Variants in GLIS1 observed in about 807,000 individuals in gnomAD.
GLIS1 encodes GLIS family zinc finger 1, also known as zinc finger protein GLIS1.
In GLIS1, 24 loss-of-function variants were observed where a neutral mutation model predicts 63.8. That is an observed-to-expected ratio of 0.38 (90% CI 0.27 to 0.53). The LOEUF (loss-of-function observed/expected upper bound fraction) is 0.53, where lower values mean the gene tolerates loss of function less well. Ranked by LOEUF, GLIS1 falls within the 20% of genes least tolerant of loss-of-function variation. The pLI, the probability that GLIS1 is intolerant of heterozygous loss-of-function variation, is 0.85. For missense variants in GLIS1, 1,036 were observed against 1,074.1 expected, an observed-to-expected ratio of 0.96 and a Z score of 0.50; for synonymous variants, 450 against 482.5, an observed-to-expected ratio of 0.93 and a Z score of 0.88.
chr1:53,540,505 C>T (rs965506612), intron 4 of GLIS1, among the ~76,000 whole-genome samples: 13 of 152,136 alleles, frequency 8.5e-5, no homozygotes, highest in Non-Finnish European at 7.4e-5. Context: ...GGGGTGTCCT[C>T]CTGCGGTGGA....
chr1:53,738,458 A>C (rs913824341), intron 1 of GLIS1, among the ~76,000 whole-genome samples: 4 of 152,224 alleles, frequency 2.6e-5, no homozygotes, highest in African/African-American at 9.6e-5. Flanking sequence ...CGCGTCCCCC[A>C]GTGGAACACG....
chr1:53,529,663 C>T (rs1644508386), intron 5 of GLIS1, 128 bp downstream of exon 5: 6 of 944,732 alleles, frequency 6.4e-6, no homozygotes, highest in Non-Finnish European at 9.6e-6. Context: ...CGACCCACTG[C>T]CCTGCCAAGC....
At chr1:53,525,454 GGGCTGGGGA>G (rs1220510843) in intron 5 of GLIS1, among the ~76,000 whole-genome samples, 42 of 98,086 alleles carry the variant, frequency 4.3e-4, no homozygotes, top group Non-Finnish European at 4.9e-4. Context: ...TGAGAACACA[GGGCTGGGGA>G]GGCTGGGGAG....
intron 4 of GLIS1, among the ~76,000 whole-genome samples, chr1:53,540,575 T>C (rs1194473786): frequency 1.3e-5 from 2 of 152,128 alleles, no homozygotes; most frequent in African/African-American, 4.8e-5. Context: ...TTAGTCCCCT[T>C]TTGGGATCCT....
At chr1:53,540,500 GTCC>G (rs1381644281) in intron 4 of GLIS1, among the ~76,000 whole-genome samples, 1 of 152,130 alleles carries the variant, frequency 6.6e-6, no homozygotes, top group African/African-American at 2.4e-5. Flanking sequence ...CAAATGGGGT[GTCC>G]TCCTGCGGTG....
intron 4 of GLIS1, among the ~76,000 whole-genome samples, chr1:53,556,619 C>CAGGTGTGTGTGTGTGTGCAGGTGTACTGT (rs1557448981): frequency 5.2e-4 from 62 of 120,302 alleles, no homozygotes; most frequent in African/African-American, 1.9e-3. Context: ...AGGTGTACTG[C>CAGGTGTGTGTGTGTGTGCAGGTGTACTGT]AGGTATGTGT....
chr1:53,569,019 C>T (rs1644959860), intron 4 of GLIS1, among the ~76,000 whole-genome samples: 1 of 152,156 alleles, frequency 6.6e-6, no homozygotes, highest in Non-Finnish European at 1.5e-5. Context: ...CTGGAAGAAA[C>T]TTAAATGCAT....
At chr1:53,565,391 G>C (rs184702378) in intron 4 of GLIS1, among the ~76,000 whole-genome samples, 41 of 152,038 alleles carry the variant, frequency 2.7e-4, no homozygotes, top group Admixed American at 2.5e-3. Context: ...GATAAAAGCA[G>C]AAATTAATGT....
At chr1:53,660,892 G>A (rs998262620) in intron 2 of GLIS1, among the ~76,000 whole-genome samples, 1 of 152,184 alleles carries the variant, frequency 6.6e-6, no homozygotes, top group Non-Finnish European at 1.5e-5. Flanking sequence ...TCCCAGCTGG[G>A]CAGGGTGGAC....
chr1:53,605,086 A>G (rs923522228), intron 2 of GLIS1, among the ~76,000 whole-genome samples: 5 of 152,112 alleles, frequency 3.3e-5, no homozygotes, highest in African/African-American at 1.2e-4. Flanking sequence ...ACAGGATTCA[A>G]CATCTGAAAT....
chr1:53,551,394 G>A (rs868752897), intron 4 of GLIS1, among the ~76,000 whole-genome samples: 37 of 152,194 alleles, frequency 2.4e-4, no homozygotes, highest in African/African-American at 8.0e-4. Flanking sequence ...ACCCATGCCC[G>A]GGATGGAGGC....
At chr1:53,543,230 C>T (rs1362957865) in intron 4 of GLIS1, among the ~76,000 whole-genome samples, 2 of 152,212 alleles carry the variant, frequency 1.3e-5, no homozygotes, top group African/African-American at 4.8e-5. Flanking sequence ...ACTAGCAGTC[C>T]TCCCTCACGG....
chr1:53,650,295 A>C (rs1167914429), intron 2 of GLIS1, among the ~76,000 whole-genome samples: 1 of 152,206 alleles, frequency 6.6e-6, no homozygotes, highest in Non-Finnish European at 1.5e-5. Flanking sequence ...AATCCATAAA[A>C]AAGACCACAC....
At chr1:53,640,478 G>T in intron 2 of GLIS1, among the ~76,000 whole-genome samples, 1 of 152,122 alleles carries the variant, frequency 6.6e-6, no homozygotes, top group East Asian at 1.9e-4. Flanking sequence ...GACAGCTGGG[G>T]GCTGGACAGT....
At chr1:53,546,673 T>C (rs1328069286) in intron 4 of GLIS1, among the ~76,000 whole-genome samples, 1 of 152,234 alleles carries the variant, frequency 6.6e-6, no homozygotes, top group Admixed American at 6.5e-5. Flanking sequence ...GCACACTCCA[T>C]GCAACCGACA....
intron 2 of GLIS1, among the ~76,000 whole-genome samples, chr1:53,650,709 A>C (rs377004412): frequency 1.3e-5 from 2 of 152,276 alleles, no homozygotes; most frequent in South Asian, 2.1e-4. Flanking sequence ...TTATTTCAGC[A>C]TGGGGAACAA....
At chr1:53,706,792 A>C (rs1283918086) in intron 2 of GLIS1, among the ~76,000 whole-genome samples, 1 of 152,202 alleles carries the variant, frequency 6.6e-6, no homozygotes, top group Admixed American at 6.5e-5. Context: ...AAATCAAAAC[A>C]CATGTGGCCT....
At position 53,523,948 on chromosome 1, in the gene GLIS1, C is replaced by T. The variant is rs570700493; in HGVS notation, c.1593+829G>A. Among the ~76,000 whole-genome samples the T allele has an allele frequency of 6.6e-5, 10 of 152,336 alleles. No individual in the cohort carries two copies. In the East Asian group the frequency reaches 1.9e-3, roughly 29 times the overall value. On this transcript the variant is annotated intron_variant, in intron 6 of 10. Transcript: ENST00000628545. ...ACACACTGGGCTTCAGGCTTCAGCC[C>T]TCTCAGCGCCAGTCACTCTGGGGAG...
At position 53,614,414 on chromosome 1, in the gene GLIS1, A is replaced by C. The variant is rs200401004; in HGVS notation, c.260-14136T>G. Among the ~76,000 whole-genome samples the C allele has an allele frequency of 7.2e-5, 11 of 152,254 alleles. No homozygotes were observed. The East Asian group carries it at 2.1e-3, about 29-fold the overall frequency. ...CAGGGTACAAAGGACCCGAGGCTGG[A>C]GTGCGTTCCAGGGCGGGAACACAGG... On this transcript the variant is annotated intron_variant, in intron 2 of 10. Coordinates refer to ENST00000628545, the MANE Select transcript of GLIS1 (RefSeq NM_001367484.1).
Sources: gnomAD v4.1 joint callset for allele counts (sites outside exome capture counted in the v4.1 genomes callset) on GRCh38, gnomAD v4.1.1 for gene constraint, MANE v1.5 for transcripts, NCBI Gene and HGNC (gene_info 2026-07-23, HGNC 2026-07-21) for gene names.